The following FRMD4A variants were observed in gnomAD, a reference collection of about 807,000 sequenced individuals.
FRMD4A encodes FERM domain-containing protein 4A.
FRMD4A carries 29 observed loss-of-function variants against 129.1 expected under a neutral mutation model. The observed-to-expected ratio is 0.22, with a 90% CI of 0.17 to 0.31. FRMD4A has a LOEUF of 0.31. Among genes scored for constraint, FRMD4A ranks in the 10% least tolerant of loss-of-function variants. The pLI, the probability that FRMD4A is intolerant of heterozygous loss-of-function variation, is 1.00. For synonymous variants in FRMD4A, 634 were observed against 571.6 expected (o/e 1.11, Z -1.56); for missense variants, 1,272 against 1,375.8 (o/e 0.92, Z 1.19).
chr10:13,836,028 T>A (rs1261487306), intron 3 of FRMD4A, among the ~76,000 whole-genome samples: 2 of 136,740 alleles, frequency 1.5e-5, no homozygotes, highest in Non-Finnish European at 3.2e-5. Context: ...GATGGAGTCT[T>A]ACTCTGTTGC....
intron 2 of FRMD4A, among the ~76,000 whole-genome samples, chr10:14,026,695 C>T: frequency 6.6e-6 from 1 of 152,244 alleles, no homozygotes; most frequent in East Asian, 1.9e-4. Flanking sequence ...AGCTGCATCA[C>T]ATCAGCAAGA....
chr10:13,778,615 G>GTA (rs1564787331), intron 6 of FRMD4A, among the ~76,000 whole-genome samples: 1 of 144,054 alleles, frequency 6.9e-6, no homozygotes, highest in African/African-American at 2.7e-5. Context: ...GTGTGTGTGT[G>GTA]TGTGTGTTTG....
At chr10:13,991,935 AG>A (rs374128568) in intron 2 of FRMD4A, 56 of 152,394 alleles carry the variant, frequency 3.7e-4, no homozygotes, top group African/African-American at 1.3e-3. Flanking sequence ...AGAATGAGCA[AG>A]TTACTGAGGT....
chr10:14,020,955 C>A (rs775679332), intron 2 of FRMD4A, among the ~76,000 whole-genome samples: 1 of 152,142 alleles, frequency 6.6e-6, no homozygotes, highest in Non-Finnish European at 1.5e-5. Flanking sequence ...GAGAACTGAC[C>A]TACCATGTGC....
chr10:13,834,556 C>G (rs1384444341), intron 3 of FRMD4A, among the ~76,000 whole-genome samples: 1 of 152,148 alleles, frequency 6.6e-6, no homozygotes, highest in African/African-American at 2.4e-5. Context: ...CAAAGGATAC[C>G]AGAATTTGAA....
chr10:14,188,821 G>A lies in FRMD4A; in HGVS notation c.45+141237C>T, dbSNP rs139785205. On this transcript the variant is annotated intron_variant, in intron 2 of 24. Coordinates refer to ENST00000357447, the MANE Select transcript of FRMD4A (RefSeq NM_018027.5). ...CTTGGGAGGCTGGGGTGGGAGGATC[G>A]CCTGAGCCTGGGAGGTTAAGGCAGC... Among the ~76,000 whole-genome samples the A allele has an allele frequency of 4.5e-4, 69 of 152,270 alleles. 2 individuals are homozygous for A. In the East Asian group the frequency reaches 8.7e-3, roughly 19 times the overall value.
At chr10:14,011,004 T>A (rs1399271430) in intron 2 of FRMD4A, among the ~76,000 whole-genome samples, 2 of 152,190 alleles carry the variant, frequency 1.3e-5, no homozygotes, top group Non-Finnish European at 2.9e-5. Context: ...ATTATCCCTG[T>A]TTCAGTGGTG....
chr10:13,890,371 C>G, intron 2 of FRMD4A: 2 of 193,576 alleles, frequency 1.0e-5, no homozygotes, highest in Non-Finnish European at 1.9e-5. Context: ...TAAGGTACTT[C>G]CCCAGGGTCA....
intron 11 of FRMD4A, among the ~76,000 whole-genome samples, chr10:13,739,993 A>G (rs113312378): frequency 3.9e-5 from 6 of 152,300 alleles, no homozygotes; most frequent in African/African-American, 1.2e-4. Flanking sequence ...CCAGCTACTC[A>G]GGAGGCTGAG....
At chr10:14,087,932 G>C (rs770269620) in intron 2 of FRMD4A, among the ~76,000 whole-genome samples, 6 of 152,098 alleles carry the variant, frequency 3.9e-5, no homozygotes, top group African/African-American at 1.4e-4. Context: ...GGCTTCTGCT[G>C]GATACTAAAA....
At chr10:13,938,373 C>G (rs1325691023) in intron 2 of FRMD4A, among the ~76,000 whole-genome samples, 1 of 152,110 alleles carries the variant, frequency 6.6e-6, no homozygotes, top group East Asian at 1.9e-4. Flanking sequence ...TCCCGAATAC[C>G]TAGGACTACA....
Position 13,723,965 on chromosome 10 carries a change from G to A in FRMD4A, c.759+13879C>T, listed in dbSNP as rs190519239. Among the ~76,000 whole-genome samples, 49 of 152,318 alleles carry A rather than the reference G, an allele frequency of 3.2e-4. No homozygotes were observed. In the East Asian group the frequency reaches 8.7e-3, roughly 27 times the overall value. On this transcript the variant is annotated intron_variant, in intron 12 of 24. Transcript: ENST00000357447. ...TGGACACTCTAATTTCTTAATAAAA[G>A]CTTATTTTGCTATTTAAAGTGACTG...
At chr10:13,864,475 T>G (rs2094338528) in intron 2 of FRMD4A, among the ~76,000 whole-genome samples, 1 of 152,034 alleles carries the variant, frequency 6.6e-6, no homozygotes, top group South Asian at 2.1e-4. Flanking sequence ...CATACCACCT[T>G]TCTTTCCTCT....
chr10:13,965,773 G>A (rs1254245203), intron 2 of FRMD4A, among the ~76,000 whole-genome samples: 1 of 152,194 alleles, frequency 6.6e-6, no homozygotes, highest in African/African-American at 2.4e-5. Context: ...GCCATACCAT[G>A]CGAAAGACAG....
Position 13,701,353 on chromosome 10 carries a change from C to G in FRMD4A, c.962G>C (p.Arg321Thr). ...AISQHQFYLDRKQSKSKIHAA... is the reference protein window; with the variant it reads ...AISQHQFYLDTKQSKSKIHAA... ...CTGGTCACTCACCTTACTCTGCTTT[C>G]TGTCCAGATAGAACTGGTGTTGGCT... The change falls in exon 14 of 25, where the codon AGA (arginine) becomes ACA (threonine). Residue 321 changes from arginine to threonine, a missense_variant. Physicochemically the swap from Arg to Thr is moderately conservative, Grantham distance 71. Transcript: ENST00000357447. The G allele has an allele frequency of 6.2e-7, 1 of 1,613,762 alleles. No homozygotes were observed.
intron 2 of FRMD4A, among the ~76,000 whole-genome samples, chr10:14,119,589 G>A (rs756590263): frequency 3.9e-5 from 6 of 152,170 alleles, no homozygotes; most frequent in Non-Finnish European, 8.8e-5. Flanking sequence ...TGTCCCTTTT[G>A]CATGCAGAAT....
At chr10:14,142,225 C>T (rs371834461) in intron 2 of FRMD4A, among the ~76,000 whole-genome samples, 3 of 151,938 alleles carry the variant, frequency 2.0e-5, no homozygotes, top group African/African-American at 7.3e-5. Flanking sequence ...TCTTCTCTGT[C>T]ATGCAATCGT....
At chr10:14,049,336 C>T (rs924405360) in intron 2 of FRMD4A, among the ~76,000 whole-genome samples, 7 of 152,208 alleles carry the variant, frequency 4.6e-5, no homozygotes, top group East Asian at 3.9e-4. Context: ...CATAGAATTT[C>T]GCACTAGGTG....
intron 2 of FRMD4A, among the ~76,000 whole-genome samples, chr10:13,931,041 C>G (rs2095189143): frequency 6.6e-6 from 1 of 152,078 alleles, no homozygotes; most frequent in East Asian, 1.9e-4. Context: ...CTCTATGTTG[C>G]CCAGGCTGGT....
Sources: allele counts gnomAD v4.1 joint callset (sites outside exome capture counted in the v4.1 genomes callset), GRCh38; gene constraint gnomAD v4.1.1; transcripts MANE v1.5; gene names NCBI Gene and HGNC (gene_info 2026-07-23, HGNC 2026-07-21).